PCED1B: variants seen among roughly 807,000 people sequenced by gnomAD.
The protein encoded by PCED1B is PC-esterase domain-containing protein 1B.
For missense variants in PCED1B, 573 were observed against 573.9 expected, an observed-to-expected ratio of 1.00 and a Z score of 0.02; for synonymous variants, 251 against 246.1, an observed-to-expected ratio of 1.02 and a Z score of -0.19.
At chr12:47,135,571 A>G (rs1166336750) in intron 2 of PCED1B, 3 of 513,906 alleles carry the variant, frequency 5.8e-6, no homozygotes, top group Non-Finnish European at 1.2e-5. Context: ...CCAGATGTTC[A>G]GGCACTTGGC....
At chr12:47,194,584 A>C (rs1004703336) in intron 2 of PCED1B, among the ~76,000 whole-genome samples, 1 of 152,206 alleles carries the variant, frequency 6.6e-6, no homozygotes, top group African/African-American at 2.4e-5. Context: ...AAAATCAATC[A>C]TTTTTGGCAA....
intron 1 of PCED1B, among the ~76,000 whole-genome samples, chr12:47,095,397 A>G (rs1318179731): frequency 6.6e-6 from 1 of 151,968 alleles, no homozygotes; most frequent in Non-Finnish European, 1.5e-5. Context: ...GGTTTTCAAC[A>G]GTTTGACTAT....
At position 47,118,788 on chromosome 12, in the gene PCED1B, G is replaced by A. The variant is rs568058245; in HGVS notation, c.-526+14593G>A. ...TCTATAAATTACCTTGGGCAGTATGGCCATTTTCACGATATTGATTCTTCC... is the reference window on the plus strand; with the variant it reads ...TCTATAAATTACCTTGGGCAGTATGACCATTTTCACGATATTGATTCTTCC... On this transcript the variant is annotated intron_variant, in intron 2 of 3. Coordinates refer to ENST00000546455, the MANE Select transcript of PCED1B (RefSeq NM_138371.3). Among the ~76,000 whole-genome samples the A allele has an allele frequency of 2.1e-3, 315 of 152,208 alleles. 2 individuals carry two copies. Among genetic ancestry groups the A allele is most frequent in the Middle Eastern group, 0.014 (4 of 294 alleles).
chr12:47,080,791 T>TTCTCTCTCCCTC (rs923085102), intron 1 of PCED1B, among the ~76,000 whole-genome samples: 1 of 152,108 alleles, frequency 6.6e-6, no homozygotes, highest in African/African-American at 2.4e-5. Context: ...CCTTCCCCTC[T>TTCTCTCTCCCTC]TCTCTCTCCC....
chr12:47,122,706 AG>A (rs1939729971), intron 2 of PCED1B, among the ~76,000 whole-genome samples: 1 of 152,252 alleles, frequency 6.6e-6, no homozygotes, highest in Non-Finnish European at 1.5e-5. Context: ...CTGGAAAATA[AG>A]AATTTGAAGA....
intron 2 of PCED1B, among the ~76,000 whole-genome samples, chr12:47,151,319 T>G (rs1212792189): frequency 6.6e-6 from 1 of 152,168 alleles, no homozygotes; most frequent in Non-Finnish European, 1.5e-5. Flanking sequence ...GTATTACACT[T>G]GCCTACAGTA....
rs773738748 is a variant in PCED1B at position 47,236,197 on chromosome 12, G to C, written c.1134G>C (p.Gln378His). ...AAGACAATTTTATGGTTGGTCCTCA[G>C]CTGCCTATGCCCTTCTTCCCCACAC... ...FVEDNFMVGP[Q>H]LPMPFFPTPR... Residue 378 changes from glutamine to histidine, a missense_variant, in exon 4 of 4, where the codon CAG (glutamine) becomes CAC (histidine). By Grantham distance (24) the Gln-to-His change is conservative. Transcript: ENST00000546455. The C allele has an allele frequency of 1.9e-6, 3 of 1,613,982 alleles. No individual in the cohort carries two copies. Among genetic ancestry groups the C allele is most frequent in the Non-Finnish European group, 2.5e-6 (3 of 1,180,030 alleles).
chr12:47,182,330 C>T lies in PCED1B; in HGVS notation c.-525-33892C>T, dbSNP rs113398146. Reference sequence around the variant, plus strand: ...ATACTACTGCCCTGGCACGGTTGCTCAGCCTGTAATCCCAGCACGTTGGGA... The same window carrying T: ...ATACTACTGCCCTGGCACGGTTGCTTAGCCTGTAATCCCAGCACGTTGGGA... On this transcript the variant is annotated intron_variant, in intron 2 of 3. Transcript: ENST00000546455. 6.6e-3 allele frequency among the ~76,000 whole-genome samples: 1,000 copies of T among 152,184 alleles called. 6 individuals carry two copies. Among genetic ancestry groups the T allele is most frequent in the African/African-American group, 0.023 (974 of 41,522 alleles).
chr12:47,095,523 T>C (rs1170798187), intron 1 of PCED1B, among the ~76,000 whole-genome samples: 1 of 152,214 alleles, frequency 6.6e-6, no homozygotes, highest in Admixed American at 6.5e-5. Flanking sequence ...CTCTCCTTTT[T>C]GGAACTCCAA....
intron 3 of PCED1B, among the ~76,000 whole-genome samples, chr12:47,220,288 CG>C (rs1236687510): frequency 6.6e-6 from 1 of 152,064 alleles, no homozygotes; most frequent in Non-Finnish European, 1.5e-5. Flanking sequence ...TCTCTTGCCT[CG>C]GCCTCCTGAA....
At chr12:47,220,364 G>T (rs977001333) in intron 3 of PCED1B, among the ~76,000 whole-genome samples, 2 of 151,958 alleles carry the variant, frequency 1.3e-5, no homozygotes, top group African/African-American at 4.8e-5. Context: ...TAGAGACTGG[G>T]TTTCACCATG....
intron 2 of PCED1B, among the ~76,000 whole-genome samples, chr12:47,160,243 T>A (rs1158687969): frequency 6.6e-6 from 1 of 151,900 alleles, no homozygotes; most frequent in African/African-American, 2.4e-5. Flanking sequence ...GTTTATTTTG[T>A]TGTTGTTGGC....
At chr12:47,229,568 C>A (rs1173521605) in intron 3 of PCED1B, among the ~76,000 whole-genome samples, 1 of 152,086 alleles carries the variant, frequency 6.6e-6, no homozygotes, top group African/African-American at 2.4e-5. Context: ...ATTTATGTTT[C>A]ATATACAGCA....
intron 2 of PCED1B, among the ~76,000 whole-genome samples, chr12:47,130,348 TG>T (rs1358011486): frequency 6.6e-6 from 1 of 152,168 alleles, no homozygotes; most frequent in African/African-American, 2.4e-5. Flanking sequence ...GTGTCTTGGA[TG>T]TTATTAATGA....
intron 3 of PCED1B, among the ~76,000 whole-genome samples, chr12:47,226,832 C>T (rs552236731): frequency 7.9e-5 from 12 of 152,104 alleles, no homozygotes; most frequent in Admixed American, 2.6e-4. Context: ...CTAAAATGAT[C>T]GCTGATCTGG....
intron 2 of PCED1B, among the ~76,000 whole-genome samples, chr12:47,159,110 T>C (rs1250794180): frequency 6.6e-6 from 1 of 152,216 alleles, no homozygotes; most frequent in Non-Finnish European, 1.5e-5. Context: ...TATTCCATTA[T>C]GTATATATGC....
chr12:47,177,027 A>G (rs1227290085), intron 2 of PCED1B, among the ~76,000 whole-genome samples: 2 of 152,210 alleles, frequency 1.3e-5, no homozygotes, highest in African/African-American at 2.4e-5. Context: ...AGAGAAAACA[A>G]AAGGACTGTC....
intron 2 of PCED1B, among the ~76,000 whole-genome samples, chr12:47,115,900 G>T (rs1329249902): frequency 6.6e-6 from 1 of 152,150 alleles, no homozygotes; most frequent in African/African-American, 2.4e-5. Context: ...TGTATGGATT[G>T]GTTTTTGGCA....
At chr12:47,234,262 A>T (rs1320038615) in intron 3 of PCED1B, among the ~76,000 whole-genome samples, 1 of 152,212 alleles carries the variant, frequency 6.6e-6, no homozygotes, top group Non-Finnish European at 1.5e-5. Flanking sequence ...TGCTGGGATT[A>T]CAGGCGTAAT....
Sources: allele counts gnomAD v4.1 joint callset (sites outside exome capture counted in the v4.1 genomes callset), GRCh38; gene constraint gnomAD v4.1.1; transcripts MANE v1.5; gene names NCBI Gene and HGNC (gene_info 2026-07-23, HGNC 2026-07-21).